The following GRIA4 variants were observed in gnomAD, a reference collection of about 807,000 sequenced individuals.
GRIA4 encodes the protein glutamate receptor 4.
In GRIA4, 34 loss-of-function variants were observed where a neutral mutation model predicts 104.0. The observed-to-expected ratio is 0.33, with a 90% CI of 0.25 to 0.44. The LOEUF (loss-of-function observed/expected upper bound fraction) is 0.44. Among genes scored for constraint, GRIA4 ranks in the 20% least tolerant of loss-of-function variants. The pLI is 1.00. For missense variants in GRIA4, 750 were observed against 1,096.5 expected (o/e 0.68, Z 4.46); for synonymous variants, 386 against 381.9 (o/e 1.01, Z -0.13).
chr11:105,871,480 A>T (rs572552688), intron 5 of GRIA4, among the ~76,000 whole-genome samples: 8 of 150,242 alleles, frequency 5.3e-5, no homozygotes, highest in Admixed American at 6.6e-5. Context: ...GACCTTTGGG[A>T]TTTTTAAAAT....
chr11:105,734,973 G>A (rs1014371521), intron 3 of GRIA4, among the ~76,000 whole-genome samples: 1 of 152,094 alleles, frequency 6.6e-6, no homozygotes, highest in African/African-American at 2.4e-5. Flanking sequence ...AGTTGTTATA[G>A]CCACGATGAT....
In GRIA4 at chr11:105,926,727, T is replaced by C; in HGVS notation, c.1848-14T>C. The C allele has an allele frequency of 6.5e-7, 1 of 1,535,418 alleles. No individual in the cohort carries two copies. The highest frequency in any genetic ancestry group is 1.1e-5 in the South Asian group (1 of 89,392). Reference sequence around the variant, plus strand: ...TAAAGAAAGGAAAATGTGCATTATTTTATCCATGTTTAGATCCCTCTCAGG... The same window carrying C: ...TAAAGAAAGGAAAATGTGCATTATTCTATCCATGTTTAGATCCCTCTCAGG... On this transcript the variant is annotated splice_polypyrimidine_tract_variant and intron_variant, in intron 12 of 16. Transcript: ENST00000282499.
chr11:105,722,537 G>A (rs939825474), intron 3 of GRIA4, among the ~76,000 whole-genome samples: 2 of 152,036 alleles, frequency 1.3e-5, no homozygotes, highest in African/African-American at 4.8e-5. Context: ...ACTCCGCATA[G>A]GTAGTCATAA....
At chr11:105,627,259 G>A (rs1416594476) in intron 3 of GRIA4, among the ~76,000 whole-genome samples, 2 of 152,052 alleles carry the variant, frequency 1.3e-5, no homozygotes, top group Admixed American at 1.3e-4. Flanking sequence ...ATTGGAGAAC[G>A]ATAATGCATC....
chr11:105,966,733 C>G (rs1858389144), intron 14 of GRIA4, among the ~76,000 whole-genome samples: 1 of 151,982 alleles, frequency 6.6e-6, no homozygotes, highest in African/African-American at 2.4e-5. Context: ...ATCTAAAGAA[C>G]AAAAAAGTAG....
At chr11:105,865,197 A>G (rs909304448) in intron 5 of GRIA4, among the ~76,000 whole-genome samples, 1 of 152,210 alleles carries the variant, frequency 6.6e-6, no homozygotes, top group African/African-American at 2.4e-5. Context: ...GGTTTAATGT[A>G]CACCATAAGA....
At chr11:105,654,442 A>G (rs1404109863) in intron 3 of GRIA4, among the ~76,000 whole-genome samples, 1 of 152,148 alleles carries the variant, frequency 6.6e-6, no homozygotes, top group African/African-American at 2.4e-5. Flanking sequence ...ATAATAACTT[A>G]AAAATAATCG....
chr11:105,903,688 T>C (rs1205079392), intron 7 of GRIA4, 126 bp from the exon 8 acceptor site: 3 of 630,362 alleles, frequency 4.8e-6, no homozygotes, highest in Non-Finnish European at 8.3e-6. Context: ...CAATTAATTA[T>C]CAGTAATTTA....
chr11:105,831,211 G>A (rs1943963609), intron 4 of GRIA4, among the ~76,000 whole-genome samples: 1 of 151,954 alleles, frequency 6.6e-6, no homozygotes, highest in Non-Finnish European at 1.5e-5. Context: ...TATCTCCACT[G>A]GGTCTATTAA....
intron 14 of GRIA4, chr11:105,945,470 A>T: frequency 2.1e-6 from 2 of 945,204 alleles, no homozygotes; most frequent in Non-Finnish European, 2.5e-6. Flanking sequence ...TAGGAGGAGG[A>T]CAGAGGAGAA....
intron 4 of GRIA4, among the ~76,000 whole-genome samples, chr11:105,811,168 A>G (rs1199731630): frequency 6.6e-6 from 1 of 152,182 alleles, no homozygotes; most frequent in East Asian, 1.9e-4. Flanking sequence ...GAGAAAGCCC[A>G]TGATCAGCTG....
At chr11:105,837,984 T>A (rs1352266983) in intron 4 of GRIA4, among the ~76,000 whole-genome samples, 2 of 152,160 alleles carry the variant, frequency 1.3e-5, no homozygotes, top group Non-Finnish European at 2.9e-5. Context: ...AGACACTTTA[T>A]TTAGATTGGT....
At chr11:105,960,606 C>G (rs565555707) in intron 14 of GRIA4, among the ~76,000 whole-genome samples, 69 of 152,334 alleles carry the variant, frequency 4.5e-4, no homozygotes, top group African/African-American at 1.4e-3. Flanking sequence ...CGCCCCTCCC[C>G]CAAGGAGCTG....
chr11:105,910,034 C>A (rs1162974807), intron 9 of GRIA4, among the ~76,000 whole-genome samples: 1 of 152,072 alleles, frequency 6.6e-6, no homozygotes, highest in East Asian at 1.9e-4. Context: ...TCTTAGAAAT[C>A]TGGCTATTCC....
At chr11:105,617,906 G>T (rs1950641520) in intron 3 of GRIA4, among the ~76,000 whole-genome samples, 2 of 152,038 alleles carry the variant, frequency 1.3e-5, no homozygotes, top group African/African-American at 4.8e-5. Flanking sequence ...GAGAAACATT[G>T]CTAGGAGAGA....
chr11:105,692,167 T>C (rs532518157), intron 3 of GRIA4, among the ~76,000 whole-genome samples: 24 of 151,952 alleles, frequency 1.6e-4, no homozygotes, highest in African/African-American at 5.8e-4. Context: ...TGATGATAGA[T>C]AGAATAATAG....
intron 3 of GRIA4, among the ~76,000 whole-genome samples, chr11:105,693,797 G>A (rs536391936): frequency 3.0e-4 from 46 of 152,252 alleles, no homozygotes; most frequent in Non-Finnish European, 5.3e-4. Flanking sequence ...TACAACCCAT[G>A]AACCAAATCC....
chr11:105,796,999 G>A (rs1433905234), intron 4 of GRIA4, among the ~76,000 whole-genome samples: 3 of 151,982 alleles, frequency 2.0e-5, no homozygotes, highest in African/African-American at 7.2e-5. Flanking sequence ...GGGTGGCCGA[G>A]GTGGGTGGAT....
chr11:105,699,050 C>G (rs1953390712), intron 3 of GRIA4, among the ~76,000 whole-genome samples: 2 of 152,198 alleles, frequency 1.3e-5, no homozygotes, highest in African/African-American at 4.8e-5. Context: ...AGTTTATAGA[C>G]TTTTCGTCAA....
Sources: gnomAD v4.1 joint callset for allele counts (sites outside exome capture counted in the v4.1 genomes callset) on GRCh38, gnomAD v4.1.1 for gene constraint, MANE v1.5 for transcripts, NCBI Gene and HGNC (gene_info 2026-07-23, HGNC 2026-07-21) for gene names.